The following DOCK7 variants were observed in gnomAD, a reference collection of about 807,000 sequenced individuals.
The protein encoded by DOCK7 is dedicator of cytokinesis 7.
Under a neutral mutation model 271.0 loss-of-function variants are expected in DOCK7, and 138 were observed. The observed-to-expected ratio is 0.51, with a 90% CI of 0.44 to 0.59. The LOEUF (loss-of-function observed/expected upper bound fraction) is 0.59. DOCK7 is among the 20% of genes least tolerant of loss of function. DOCK7 has a pLI of 0.00. For missense variants in DOCK7, 2,066 were observed against 2,592.4 expected, an observed-to-expected ratio of 0.80 and a Z score of 4.41; for synonymous variants, 823 against 876.1, an observed-to-expected ratio of 0.94 and a Z score of 1.07.
chr1:62,473,420 A>G (rs1645885584), intron 48 of DOCK7, among the ~76,000 whole-genome samples: 1 of 152,186 alleles, frequency 6.6e-6, no homozygotes, highest in Admixed American at 6.5e-5. Flanking sequence ...TTTCAAGTTA[A>G]TAAAATTTCC....
chr1:62,509,236 C>T (rs1644409903), intron 34 of DOCK7, among the ~76,000 whole-genome samples: 2 of 145,616 alleles, frequency 1.4e-5, no homozygotes, highest in Non-Finnish European at 3.0e-5. Flanking sequence ...TCACCTAAGC[C>T]CAGGAGGTCA....
At chr1:62,605,121 A>G (rs1433354956) in intron 14 of DOCK7, 1 of 251,584 alleles carries the variant, frequency 4.0e-6, no homozygotes, top group Non-Finnish European at 7.7e-6. Context: ...TTTTCTAAAT[A>G]AAAAATTTAG....
At chr1:62,477,879 T>C (rs780986223) in intron 43 of DOCK7, 54 bp from the exon 44 acceptor site, 3 of 1,510,460 alleles carry the variant, frequency 2.0e-6, no homozygotes. Context: ...AATCTTCCTG[T>C]TTTTCACATT....
chr1:62,472,097 T>A (rs1011227357), intron 48 of DOCK7, among the ~76,000 whole-genome samples: 2 of 152,166 alleles, frequency 1.3e-5, no homozygotes, highest in East Asian at 3.9e-4. Flanking sequence ...GTTATTTCGT[T>A]TTTTTTGTTT....
In DOCK7 at chr1:62,688,377, C is replaced by T. The variant is rs1662112452; in HGVS notation, c.-113G>A. ...CCCTCGCGGCCTCCGCCAGTCCGGG[C>T]TCCGGACCTGGGAGGCTGGGGCTGG... is the stretch of plus-strand genomic sequence containing the variant. On this transcript the variant is annotated 5_prime_UTR_variant, in exon 1 of 50. Transcript: ENST00000635253. 1.4e-5 allele frequency: 9 copies of T among 642,330 alleles called. No individual in the cohort carries two copies. Among genetic ancestry groups the T allele is most frequent in the Admixed American group, 4.9e-5 (1 of 20,548 alleles). 39.8% of individuals were successfully genotyped at this position (642,330 alleles called of 1,614,324 possible).
At chr1:62,615,031 C>T (rs1428955688) in intron 14 of DOCK7, among the ~76,000 whole-genome samples, 1 of 151,770 alleles carries the variant, frequency 6.6e-6, no homozygotes, top group Non-Finnish European at 1.5e-5. Flanking sequence ...AAAAATGAAA[C>T]ATGGTTACAA....
At chr1:62,684,346 T>A (rs1465281197) in intron 1 of DOCK7, among the ~76,000 whole-genome samples, 1 of 152,214 alleles carries the variant, frequency 6.6e-6, no homozygotes. Flanking sequence ...GAAATCATAA[T>A]AGCAGTGGCT....
chr1:62,612,156 A>C (rs1651877230), intron 14 of DOCK7, among the ~76,000 whole-genome samples: 1 of 152,120 alleles, frequency 6.6e-6, no homozygotes, highest in African/African-American at 2.4e-5. Context: ...ATTCTGTCAC[A>C]CACAAACACA....
intron 17 of DOCK7, 95 bp downstream of exon 17, chr1:62,578,733 A>C (rs1571623651): frequency 2.0e-5 from 20 of 1,018,092 alleles, no homozygotes; most frequent in South Asian, 3.7e-5. Flanking sequence ...AAAAAAAAAA[A>C]AAAAAACCCA....
Position 62,577,338 on chromosome 1 carries a change from C to G in DOCK7, c.2036G>C (p.Arg679Pro). 1 of 1,585,920 alleles carries G rather than the reference C, an allele frequency of 6.3e-7. No individual in the cohort carries two copies. The highest frequency in any genetic ancestry group is 8.6e-7 in the Non-Finnish European group (1 of 1,162,802). ...CAAGCAAAACTGGCCAGTCTTCAAC[C>G]GTCCATTCTGAAGCATTGGTATCCA... ...YTWIPMLQNG[R>P]LKTGQFCLPV... The change falls in exon 18 of 50, where the codon CGG becomes CCG. Residue 679 changes from arginine to proline, a missense_variant. Around this residue, in one of 2 missense-constraint regions of DOCK7, gnomAD observed 1,414 missense variants for 1,670.4 expected, o/e 0.85. Coordinates refer to ENST00000635253, the MANE Select transcript of DOCK7 (RefSeq NM_001367561.1).
intron 7 of DOCK7, among the ~76,000 whole-genome samples, chr1:62,638,160 T>A (rs1655509820): frequency 6.6e-6 from 1 of 152,216 alleles, no homozygotes; most frequent in Non-Finnish European, 1.5e-5. Context: ...TTCTATTTAT[T>A]GTTTGACTCT....
chr1:62,474,159 A>G (rs914713118), intron 47 of DOCK7, 71 bp from the exon 48 acceptor site: 4 of 1,335,254 alleles, frequency 3.0e-6, no homozygotes, highest in Non-Finnish European at 4.2e-6. Flanking sequence ...ATTTACTCAA[A>G]TGATTTTTCT....
intron 4 of DOCK7, among the ~76,000 whole-genome samples, chr1:62,649,646 TTCTATGTCATCCTGTCC>T (rs1228734153): frequency 6.6e-6 from 1 of 152,158 alleles, no homozygotes; most frequent in Non-Finnish European, 1.5e-5. Context: ...CAATACTCTC[TTCTATGTCATCCTGTCC>T]TCTAGTCTGT....
intron 18 of DOCK7, among the ~76,000 whole-genome samples, chr1:62,574,471 C>T (rs1481589443): frequency 6.6e-6 from 1 of 151,770 alleles, no homozygotes; most frequent in Non-Finnish European, 1.5e-5. Context: ...CAAGGAGAAA[C>T]TCACAAGCTC....
chr1:62,603,955 AC>A (rs1650537147), intron 14 of DOCK7: 1 of 1,611,616 alleles, frequency 6.2e-7, no homozygotes, highest in African/African-American at 1.3e-5. Flanking sequence ...GATTTTTAAA[AC>A]TTTTCTTTTC....
In DOCK7 at chr1:62,495,616, C is replaced by T. The variant is rs746382349; in HGVS notation, c.4989G>A (p.Gln1663=). The T allele has an allele frequency of 1.9e-6, 3 of 1,590,086 alleles. No homozygotes were observed. Among genetic ancestry groups the T allele is most frequent in the East Asian group, 2.3e-5 (1 of 43,608 alleles). ...GATCAATCAACATTTCAGGATCCTC[C>T]TGGTGTTCCTTCATTTTCACAGTAT... The part of the protein sequence containing the change: ...LSDTVKMKEH[Q]EDPEMLIDLM... The change falls in exon 39 of 50, where the codon CAG becomes CAA. Residue 1663 remains glutamine, a synonymous_variant. Transcript: ENST00000635253.
chr1:62,639,567 TG>T (rs1410812059), intron 7 of DOCK7, among the ~76,000 whole-genome samples: 2 of 150,722 alleles, frequency 1.3e-5, no homozygotes, highest in African/African-American at 4.9e-5. Flanking sequence ...CCCGAGTAGC[TG>T]GGATTACAGG....
intron 14 of DOCK7, among the ~76,000 whole-genome samples, chr1:62,599,202 C>G (rs1443716812): frequency 6.6e-6 from 1 of 151,970 alleles, no homozygotes; most frequent in Non-Finnish European, 1.5e-5. Context: ...CTCTTTAGAC[C>G]AAGATTACCC....
chr1:62,567,427 C>G (rs1184454780), intron 18 of DOCK7, among the ~76,000 whole-genome samples: 1 of 152,064 alleles, frequency 6.6e-6, no homozygotes, highest in Non-Finnish European at 1.5e-5. Flanking sequence ...AACCATCATA[C>G]TCAGCAAACT....
Sources: allele counts gnomAD v4.1 joint callset (sites outside exome capture counted in the v4.1 genomes callset), GRCh38; gene constraint gnomAD v4.1.1; regional missense constraint gnomAD v4.1.1; transcripts MANE v1.5; gene names NCBI Gene and HGNC (gene_info 2026-07-23, HGNC 2026-07-21).